Variants in SMARCB1 observed in about 807,000 individuals in gnomAD.
The protein encoded by SMARCB1 is SWI/SNF related BAF chromatin remodeling complex subunit B1, also known as SWI/SNF-related matrix-associated actin-dependent regulator of chromatin subfamily B member 1.
SMARCB1 carries 5 observed loss-of-function variants against 49.0 expected under a neutral mutation model. The observed-to-expected ratio is 0.10, with a 90% confidence interval of 0.05 to 0.21. SMARCB1 has a LOEUF of 0.21. Ranked by LOEUF, SMARCB1 falls within the 10% of genes least tolerant of loss-of-function variation. The pLI, the probability that SMARCB1 is intolerant of heterozygous loss-of-function variation, is 1.00. For synonymous variants in SMARCB1, 201 were observed against 200.1 expected (o/e 1.00, Z -0.04); for missense variants, 226 against 509.2 (o/e 0.44, Z 5.35).
chr22:23,795,108 C>G (rs1928655626), intron 3 of SMARCB1, among the ~76,000 whole-genome samples: 1 of 151,696 alleles, frequency 6.6e-6, no homozygotes, highest in Non-Finnish European at 1.5e-5. Context: ...AAGAATTTGC[C>G]CTCATGTGTA....
At chr22:23,833,024 CAGG>C (rs1185526750) in intron 7 of SMARCB1, among the ~76,000 whole-genome samples, 9 of 152,042 alleles carry the variant, frequency 5.9e-5, no homozygotes, top group Non-Finnish European at 1.2e-4. Context: ...TTTGTTCGGC[CAGG>C]AGGTGGGCTG....
intron 4 of SMARCB1, 48 bp from the exon 5 acceptor site, chr22:23,803,247 C>T (rs200434169): frequency 3.1e-6 from 5 of 1,613,356 alleles, no homozygotes; most frequent in East Asian, 2.2e-5. Context: ...ATTTGCATAC[C>T]TAGGGCTCCG....
chr22:23,791,721 G>T (rs199559974), intron 1 of SMARCB1, 35 bp from the exon 2 acceptor site: 111 of 1,610,288 alleles, frequency 6.9e-5, no homozygotes, highest in Non-Finnish European at 8.7e-5. Flanking sequence ...GTGGTGCTGC[G>T]ACCCTTATAA....
chr22:23,807,430 C>A (rs1295604460), intron 5 of SMARCB1, among the ~76,000 whole-genome samples: 5 of 152,062 alleles, frequency 3.3e-5, no homozygotes, highest in Admixed American at 6.6e-5. Flanking sequence ...CAAAAATTCA[C>A]CAGATGTGGT....
At chr22:23,791,111 A>C (rs1279745593) in intron 1 of SMARCB1, among the ~76,000 whole-genome samples, 1 of 152,194 alleles carries the variant, frequency 6.6e-6, no homozygotes, top group Non-Finnish European at 1.5e-5. Context: ...CAACGAGACA[A>C]TAGGGTACCC....
In SMARCB1 at chr22:23,834,621, C is replaced by T. The variant is rs1160188406; in HGVS notation, c.*441C>T. On this transcript the variant is annotated 3_prime_UTR_variant, in exon 9 of 9. Transcript: ENST00000644036. ...AGGTGGTATGTGAACAAGGTTGGCA[C>T]ACAGGCCTCACCCTCCTCTGCCTCA... 11 of 771,914 alleles carry T rather than the reference C, an allele frequency of 1.4e-5. No individual in the cohort carries two copies. The highest frequency in any genetic ancestry group is 2.2e-5 in the Non-Finnish European group (10 of 463,062). 47.8% of individuals were successfully genotyped at this position (771,914 alleles called of 1,614,324 possible).
intron 3 of SMARCB1, among the ~76,000 whole-genome samples, chr22:23,795,945 T>C (rs1320211890): frequency 6.6e-6 from 1 of 151,810 alleles, no homozygotes; most frequent in East Asian, 2.0e-4. Flanking sequence ...AATGCACCAC[T>C]ATGCCTGGCT....
chr22:23,798,418 T>G (rs556044285), intron 3 of SMARCB1, among the ~76,000 whole-genome samples: 1 of 151,884 alleles, frequency 6.6e-6, no homozygotes, highest in South Asian at 2.1e-4. Flanking sequence ...ATAAAAAAAT[T>G]TAAAAATTGC....
chr22:23,834,776 A>C lies in SMARCB1; in HGVS notation c.*596A>C, dbSNP rs1028753190. 1 of 1,568,150 alleles carries C rather than the reference A, an allele frequency of 6.4e-7. No homozygotes were observed. The highest frequency in any genetic ancestry group is 1.4e-5 in the African/African-American group (1 of 73,814). On this transcript the variant is annotated 3_prime_UTR_variant, in exon 9 of 9. Coordinates refer to ENST00000644036, the MANE Select transcript of SMARCB1 (RefSeq NM_003073.5). ...GAGTAGCTGTGAGGCTCAGGGCAAG[A>C]GGCTCTCTGCCTTTCAGGAACAGCC...
chr22:23,801,173 G>T (rs1366732069), intron 4 of SMARCB1, 92 bp downstream of exon 4: 3 of 1,586,020 alleles, frequency 1.9e-6, no homozygotes, highest in South Asian at 1.1e-5. Flanking sequence ...AAAACACTCT[G>T]CTTTGACCTT....
At chr22:23,824,929 CA>C (rs1467256396) in intron 6 of SMARCB1, 1 of 511,132 alleles carries the variant, frequency 2.0e-6, no homozygotes, top group East Asian at 3.5e-5. Flanking sequence ...CCCACCAGCA[CA>C]GGGCACAGGG....
chr22:23,798,889 A>C (rs890598897), intron 3 of SMARCB1, among the ~76,000 whole-genome samples: 6 of 151,874 alleles, frequency 4.0e-5, no homozygotes, highest in African/African-American at 1.4e-4. Context: ...TCTCTACTAA[A>C]AATCAAAAAA....
chr22:23,787,269 CG>C lies in SMARCB1; in HGVS notation c.93+11del. 6.4e-7 allele frequency: 1 copy of C among 1,567,494 alleles called. No individual in the cohort carries two copies. Among genetic ancestry groups the C allele is most frequent in the Non-Finnish European group, 8.7e-7 (1 of 1,146,948 alleles). ...CTACATGATCGGCTCCGAGGTAGCCCGGGGCGCGTTCTCGCCCTCCCCGGGC... is the reference window on the plus strand; with the variant it reads ...CTACATGATCGGCTCCGAGGTAGCCCGGGCGCGTTCTCGCCCTCCCCGGGC... On this transcript the variant is annotated splice_region_variant and intron_variant, in intron 1 of 8. Coordinates refer to ENST00000644036, the MANE Select transcript of SMARCB1 (RefSeq NM_003073.5).
rs1166157626 is a variant in SMARCB1 at position 23,797,000 on chromosome 22, C to CTTTTTTT, written c.362+3323_362+3329dup. ...TTGCAATGGAAGGAAGGTTGTTTTT[C>CTTTTTTT]TTTTTTTTTTTTTTTTTGAGACGGA... On this transcript the variant is annotated intron_variant, in intron 3 of 8. Coordinates refer to ENST00000644036, the MANE Select transcript of SMARCB1 (RefSeq NM_003073.5). 5.5e-3 allele frequency among the ~76,000 whole-genome samples: 742 copies of CTTTTTTT among 135,302 alleles called. 11 individuals are homozygous for CTTTTTTT. The South Asian group carries it at 0.06, about 11-fold the overall frequency. The allele number at this position is 135,302 out of a possible 152,430, so 88.8% of individuals were successfully genotyped here. A position where few individuals can be genotyped will look rare whatever the true frequency, so the allele number is the denominator to read the frequency against.
intron 1 of SMARCB1, among the ~76,000 whole-genome samples, chr22:23,787,719 T>C (rs1257570516): frequency 6.6e-6 from 1 of 152,178 alleles, no homozygotes. Context: ...TGAGGGCTCA[T>C]CCCCATTGTG....
At chr22:23,796,470 C>A (rs1928755184) in intron 3 of SMARCB1, among the ~76,000 whole-genome samples, 1 of 152,208 alleles carries the variant, frequency 6.6e-6, no homozygotes, top group South Asian at 2.1e-4. Context: ...GTATGCATTT[C>A]TCTGCACAAA....
At chr22:23,792,159 A>G in intron 2 of SMARCB1, 1 of 476,776 alleles carries the variant, frequency 2.1e-6, no homozygotes, top group East Asian at 4.0e-5. Flanking sequence ...CTGTGAAGAC[A>G]TGTTGGTCTC....
At chr22:23,822,598 T>C (rs80067988) in intron 6 of SMARCB1, among the ~76,000 whole-genome samples, 18,826 of 152,216 alleles carry the variant, frequency 0.12, 1,254 homozygotes, top group South Asian at 0.27. Context: ...AAGCCAAGCC[T>C]GTCCAAAGGC....
At chr22:23,795,991 C>T (rs1295717965) in intron 3 of SMARCB1, among the ~76,000 whole-genome samples, 1 of 151,844 alleles carries the variant, frequency 6.6e-6, no homozygotes, top group Non-Finnish European at 1.5e-5. Flanking sequence ...CGGGGTTTCA[C>T]CATTGTGCCC....
Sources: gnomAD v4.1 joint callset for allele counts (sites outside exome capture counted in the v4.1 genomes callset) on GRCh38, gnomAD v4.1.1 for gene constraint, MANE v1.5 for transcripts, NCBI Gene and HGNC (gene_info 2026-07-23, HGNC 2026-07-21) for gene names.